DCTN5: variants seen among roughly 807,000 people sequenced by gnomAD.
DCTN5 encodes the protein dynactin 4.
DCTN5 carries 14 observed loss-of-function variants against 23.5 expected under a neutral mutation model. That is an observed-to-expected ratio of 0.60 (90% CI 0.39 to 0.93). DCTN5 has a LOEUF of 0.93. DCTN5 is among the 40% of genes least tolerant of loss of function. DCTN5 has a pLI of 0.00. For synonymous variants in DCTN5, 67 were observed against 79.6 expected, an observed-to-expected ratio of 0.84 and a Z score of 0.84; for missense variants, 156 against 225.9, an observed-to-expected ratio of 0.69 and a Z score of 1.98.
chr16:23,654,851 A>G (rs576696559), intron 2 of DCTN5, among the ~76,000 whole-genome samples: 3 of 152,238 alleles, frequency 2.0e-5, no homozygotes, highest in African/African-American at 7.2e-5. Flanking sequence ...AACGTGTGAT[A>G]TATGTCTTTC....
At position 23,668,173 on chromosome 16, in the gene DCTN5, G is replaced by A. The variant is rs1286789531; in HGVS notation, c.*1029G>A. 3 of 152,208 alleles carry A rather than the reference G, an allele frequency of 2.0e-5. No individual in the cohort carries two copies. Among genetic ancestry groups the A allele is most frequent in the African/African-American group, 7.2e-5 (3 of 41,444 alleles). The allele number at this position is 152,208 out of a possible 1,614,324, so 9.4% of individuals were successfully genotyped here. On this transcript the variant is annotated 3_prime_UTR_variant, in exon 6 of 6. Transcript: ENST00000300087. ...TTCCTCGTTCTGCTCTGACCTCTTAGCTTAGAAGGAAGATTCAGAAGTGAG... is the reference window on the plus strand; with the variant it reads ...TTCCTCGTTCTGCTCTGACCTCTTAACTTAGAAGGAAGATTCAGAAGTGAG...
chr16:23,675,584 A>T lies in DCTN5; in HGVS notation c.*8440A>T, dbSNP rs935773455. On this transcript the variant is annotated 3_prime_UTR_variant, in exon 6 of 6. Coordinates refer to ENST00000300087, the MANE Select transcript of DCTN5 (RefSeq NM_032486.4). ...CTTCCAGAGGAAAGGCCTAGCTGAG[A>T]GTAAGAGATGGTTGAAAAAATGCAA... 6.6e-6 allele frequency: 1 copy of T among 152,042 alleles called. No individual in the cohort carries two copies. The highest frequency in any genetic ancestry group is 2.4e-5 in the African/African-American group (1 of 41,394). The allele number at this position is 152,042 out of a possible 1,614,324, so 9.4% of individuals were successfully genotyped here.
At chr16:23,648,500 C>G (rs1967524450) in intron 2 of DCTN5, among the ~76,000 whole-genome samples, 1 of 151,926 alleles carries the variant, frequency 6.6e-6, no homozygotes, top group Admixed American at 6.6e-5. Flanking sequence ...CAGGTGCACA[C>G]CACCATGTCT....
chr16:23,647,647 A>G (rs976432092), intron 2 of DCTN5, among the ~76,000 whole-genome samples: 1 of 151,546 alleles, frequency 6.6e-6, no homozygotes, highest in Non-Finnish European at 1.5e-5. Flanking sequence ...ACCTGGTATT[A>G]CAGTTGCGTG....
chr16:23,654,877 T>A (rs1325021342), intron 2 of DCTN5, among the ~76,000 whole-genome samples: 1 of 152,230 alleles, frequency 6.6e-6, no homozygotes, highest in African/African-American at 2.4e-5. Context: ...TTGGCTTATT[T>A]CATTTAATAT....
rs1968060833 is a variant in DCTN5, at chr16:23,674,509, C to G, written c.*7365C>G. 6.6e-6 allele frequency: 1 copy of G among 152,218 alleles called. No homozygotes were observed. The highest frequency in any genetic ancestry group is 2.1e-4 in the South Asian group (1 of 4,832). 9.4% of individuals were successfully genotyped at this position (152,218 alleles called of 1,614,324 possible). ...ACTGCTGTTGACTTGTTGCATTCAGCTTTTGGGATTAGTTGCAGCTTGCAA... is the reference window on the plus strand; with the variant it reads ...ACTGCTGTTGACTTGTTGCATTCAGGTTTTGGGATTAGTTGCAGCTTGCAA... On this transcript the variant is annotated 3_prime_UTR_variant, in exon 6 of 6. Transcript: ENST00000300087.
chr16:23,675,822 G>A lies in DCTN5; in HGVS notation c.*8678G>A, dbSNP rs1968076955. ...CTTTCCATGAAGATCTCCCACAAATGTCATCCATGCTCATGAGATGGATCA... is the reference window on the plus strand; with the variant it reads ...CTTTCCATGAAGATCTCCCACAAATATCATCCATGCTCATGAGATGGATCA... On this transcript the variant is annotated 3_prime_UTR_variant, in exon 6 of 6. Coordinates refer to ENST00000300087, the MANE Select transcript of DCTN5 (RefSeq NM_032486.4). 1 of 152,194 alleles carries A rather than the reference G, an allele frequency of 6.6e-6. No homozygotes were observed. The highest frequency in any genetic ancestry group is 6.5e-5 in the Admixed American group (1 of 15,276). 9.4% of individuals were successfully genotyped at this position (152,194 alleles called of 1,614,324 possible).
chr16:23,647,001 C>G (rs1967476027), intron 2 of DCTN5, among the ~76,000 whole-genome samples: 1 of 152,154 alleles, frequency 6.6e-6, no homozygotes, highest in African/African-American at 2.4e-5. Context: ...TCTTGGCACT[C>G]TTCTAGAAAA....
chr16:23,665,576 T>C, intron 4 of DCTN5, 50 bp from the exon 5 acceptor site: 1 of 1,539,886 alleles, frequency 6.5e-7, no homozygotes, highest in Non-Finnish European at 8.9e-7. Context: ...GAAAGGAGCC[T>C]TTCACACAGT....
At chr16:23,665,559 G>GA in intron 4 of DCTN5, 67 bp from the exon 5 acceptor site, 1 of 1,454,438 alleles carries the variant, frequency 6.9e-7, no homozygotes, top group Non-Finnish European at 9.4e-7. Flanking sequence ...CATGAATGGG[G>GA]AAAATAGAAA....
In DCTN5 at chr16:23,667,467, G is replaced by A. The variant is rs1056959889; in HGVS notation, c.*323G>A. ...TTGGTCCTGTGGATGGCTGGATCCC[G>A]CCTGAAACGGACCTGCAGAGCAGCA... On this transcript the variant is annotated 3_prime_UTR_variant, in exon 6 of 6. Coordinates refer to ENST00000300087, the MANE Select transcript of DCTN5 (RefSeq NM_032486.4). 7 of 292,948 alleles carry A rather than the reference G, an allele frequency of 2.4e-5. No individual in the cohort carries two copies. Among genetic ancestry groups the A allele is most frequent in the South Asian group, 4.4e-5 (1 of 22,604 alleles). 18.1% of individuals were successfully genotyped at this position (292,948 alleles called of 1,614,324 possible). A position where few individuals can be genotyped will look rare whatever the true frequency, so the allele number is the denominator to read the frequency against.
At chr16:23,644,419 G>A (rs908577220) in intron 2 of DCTN5, among the ~76,000 whole-genome samples, 5 of 150,140 alleles carry the variant, frequency 3.3e-5, no homozygotes, top group Non-Finnish European at 7.4e-5. Context: ...TCCTGCCTCA[G>A]CCTCCTGAGT....
At chr16:23,662,179 G>A (rs1055604250) in intron 4 of DCTN5, among the ~76,000 whole-genome samples, 4 of 152,114 alleles carry the variant, frequency 2.6e-5, no homozygotes, top group Non-Finnish European at 4.4e-5. Flanking sequence ...CTTACTTCAC[G>A]GAGCTTACAG....
intron 2 of DCTN5, among the ~76,000 whole-genome samples, chr16:23,656,078 A>G (rs1967698808): frequency 6.6e-6 from 1 of 152,128 alleles, no homozygotes; most frequent in Non-Finnish European, 1.5e-5. Flanking sequence ...GAAAAGAAAA[A>G]TTAGCCAGGT....
At chr16:23,644,175 C>T (rs369216212) in intron 2 of DCTN5, among the ~76,000 whole-genome samples, 11 of 151,812 alleles carry the variant, frequency 7.2e-5, no homozygotes, top group Admixed American at 2.6e-4. Context: ...TCACCCAGGT[C>T]GGAGTACAGT....
At chr16:23,666,235 TA>T (rs1391472116) in intron 5 of DCTN5, among the ~76,000 whole-genome samples, 1 of 152,248 alleles carries the variant, frequency 6.6e-6, no homozygotes, top group Non-Finnish European at 1.5e-5. Flanking sequence ...GTACTGGGCT[TA>T]CCCTCACATT....
At chr16:23,651,256 C>T in intron 2 of DCTN5, 1 of 956,858 alleles carries the variant, frequency 1.0e-6, no homozygotes, top group Non-Finnish European at 1.2e-6. Context: ...CAGCCACCTC[C>T]TTTCATTTGC....
chr16:23,649,189 A>G (rs1489717002), intron 2 of DCTN5, among the ~76,000 whole-genome samples: 1 of 152,172 alleles, frequency 6.6e-6, no homozygotes, highest in Non-Finnish European at 1.5e-5. Context: ...AACATTTTAA[A>G]ATATATATTT....
Position 23,677,396 on chromosome 16 carries a change from TTATAA to T in DCTN5, c.*10256_*10260del, listed in dbSNP as rs1208507008. The T allele has an allele frequency of 6.6e-6, 1 of 152,220 alleles. No homozygotes were observed. Among genetic ancestry groups the T allele is most frequent in the African/African-American group, 2.4e-5 (1 of 41,452 alleles). The allele number at this position is 152,220 out of a possible 1,614,324, so 9.4% of individuals were successfully genotyped here. A position where few individuals can be genotyped will look rare whatever the true frequency, so the allele number is the denominator to read the frequency against. On this transcript the variant is annotated 3_prime_UTR_variant, in exon 6 of 6. Transcript: ENST00000300087. Reference sequence around the variant, plus strand: ...AAAATTCACTGAGCTCTATGAACAATTATAATATGTACATTTTTTTCTGTAAGTGT... The same window carrying T: ...AAAATTCACTGAGCTCTATGAACAATTATGTACATTTTTTTCTGTAAGTGT...
Sources: allele counts gnomAD v4.1 joint callset (sites outside exome capture counted in the v4.1 genomes callset), GRCh38; gene constraint gnomAD v4.1.1; transcripts MANE v1.5; gene names NCBI Gene and HGNC (gene_info 2026-07-23, HGNC 2026-07-21).